The following PPARD variants were observed in gnomAD, a reference collection of about 807,000 sequenced individuals.
The protein encoded by PPARD is peroxisome proliferator-activated receptor delta.
In PPARD, 6 loss-of-function variants were observed where a neutral mutation model predicts 39.5. The observed-to-expected ratio is 0.15, with a 90% CI of 0.08 to 0.30. The LOEUF is 0.30. Ranked by LOEUF, PPARD falls within the 10% of genes least tolerant of loss-of-function variation. The pLI, the probability that PPARD is intolerant of heterozygous loss-of-function variation, is 1.00. For synonymous variants in PPARD, 210 were observed against 231.3 expected (o/e 0.91, Z 0.83); for missense variants, 397 against 596.8 (o/e 0.67, Z 3.49).
At chr6:35,358,342 C>T (rs1056184588) in intron 2 of PPARD, among the ~76,000 whole-genome samples, 17 of 152,208 alleles carry the variant, frequency 1.1e-4, no homozygotes, top group African/African-American at 3.9e-4. Flanking sequence ...TGTGGCCCTG[C>T]CAACACACTG....
chr6:35,400,271 C>A (rs575368974), intron 2 of PPARD, among the ~76,000 whole-genome samples: 1 of 152,194 alleles, frequency 6.6e-6, no homozygotes, highest in Non-Finnish European at 1.5e-5. Flanking sequence ...CTCCTTACCA[C>A]CAGCCTTCGT....
At chr6:35,391,316 T>A (rs968428285) in intron 2 of PPARD, among the ~76,000 whole-genome samples, 1 of 152,268 alleles carries the variant, frequency 6.6e-6, no homozygotes, top group African/African-American at 2.4e-5. Context: ...ATTTCTGTAT[T>A]TCCTTCACCA....
At chr6:35,398,806 C>T (rs780623854) in intron 2 of PPARD, among the ~76,000 whole-genome samples, 3 of 152,178 alleles carry the variant, frequency 2.0e-5, no homozygotes, top group East Asian at 1.9e-4. Context: ...TAAGTGTTAC[C>T]GAAAGTTTCA....
Position 35,426,169 on chromosome 6 carries a change from C to T in PPARD, c.*90C>T. The T allele has an allele frequency of 6.6e-7, 1 of 1,517,392 alleles. No individual in the cohort carries two copies. 94.0% of individuals were successfully genotyped at this position (1,517,392 alleles called of 1,614,324 possible). On this transcript the variant is annotated 3_prime_UTR_variant, in exon 8 of 8. Coordinates refer to ENST00000360694, the MANE Select transcript of PPARD (RefSeq NM_006238.5). ...ACTTTTCCATTGACCAGCCCTTGAGCACCCGGCCTGGAGCAGCAGAGTCCC... is the reference window on the plus strand; with the variant it reads ...ACTTTTCCATTGACCAGCCCTTGAGTACCCGGCCTGGAGCAGCAGAGTCCC...
chr6:35,364,538 A>G (rs866025599), intron 2 of PPARD, among the ~76,000 whole-genome samples: 2 of 151,334 alleles, frequency 1.3e-5, no homozygotes, highest in Non-Finnish European at 2.9e-5. Flanking sequence ...GGTTCAAGCA[A>G]TTTCCCTGCC....
chr6:35,421,780 C>A, intron 4 of PPARD, 40 bp from the exon 5 acceptor site: 1 of 1,569,120 alleles, frequency 6.4e-7, no homozygotes, highest in Non-Finnish European at 8.7e-7. Flanking sequence ...CTCCCTCCCA[C>A]CTCCTGGTGG....
intron 2 of PPARD, among the ~76,000 whole-genome samples, chr6:35,386,278 C>G (rs1334831641): frequency 6.7e-6 from 1 of 149,766 alleles, no homozygotes; most frequent in Non-Finnish European, 1.5e-5. Context: ...GCATCGTGCT[C>G]TCTTACCACG....
chr6:35,385,032 C>T (rs1356293894), intron 2 of PPARD, among the ~76,000 whole-genome samples: 2 of 142,776 alleles, frequency 1.4e-5, no homozygotes, highest in Non-Finnish European at 3.0e-5. Context: ...GCCCCCCACC[C>T]GGCCAGCCGC....
At chr6:35,381,013 C>A (rs757910246) in intron 2 of PPARD, among the ~76,000 whole-genome samples, 1 of 152,170 alleles carries the variant, frequency 6.6e-6, no homozygotes, top group Non-Finnish European at 1.5e-5. Context: ...CTCCACTTTC[C>A]TTTGCTCCTG....
At chr6:35,356,350 C>T (rs905503691) in intron 2 of PPARD, among the ~76,000 whole-genome samples, 6 of 152,210 alleles carry the variant, frequency 3.9e-5, no homozygotes, top group African/African-American at 1.4e-4. Flanking sequence ...CAAATGGCAG[C>T]AGTAGCTGAG....
rs577282706 is a variant in PPARD at position 35,363,749 on chromosome 6, A to T, written c.-102+16599A>T. Among the ~76,000 whole-genome samples, 1 of 152,190 alleles carries T rather than the reference A, an allele frequency of 6.6e-6. No homozygotes were observed. Among genetic ancestry groups the T allele is most frequent in the African/African-American group, 2.4e-5 (1 of 41,450 alleles). ...AGGCAGCCTTTTGGGGCTGGAGGGC[A>T]TGGACAGGGTGACTGATGCCTGAGC... On this transcript the variant is annotated intron_variant, in intron 2 of 7. Transcript: ENST00000360694. This position sits in a 1 kb window ranked among gnomAD's most constrained non-coding sequence, Gnocchi z 4.5.
chr6:35,373,372 T>A (rs915158743), intron 2 of PPARD, among the ~76,000 whole-genome samples: 1 of 152,212 alleles, frequency 6.6e-6, no homozygotes, highest in Non-Finnish European at 1.5e-5. Context: ...ATCGCTATTA[T>A]AGAGACCAGC....
At chr6:35,345,960 T>C (rs997526436) in intron 1 of PPARD, among the ~76,000 whole-genome samples, 9 of 145,664 alleles carry the variant, frequency 6.2e-5, no homozygotes, top group Non-Finnish European at 1.3e-4. Flanking sequence ...CACTGCAAGC[T>C]CCATCTCCCA....
chr6:35,406,877 G>A (rs1397182101), intron 2 of PPARD, among the ~76,000 whole-genome samples: 4 of 152,208 alleles, frequency 2.6e-5, no homozygotes, highest in Non-Finnish European at 4.4e-5. Flanking sequence ...GGCCTGGCCC[G>A]GCTCGAGTCC....
At chr6:35,361,124 A>G (rs911339836) in intron 2 of PPARD, among the ~76,000 whole-genome samples, 20 of 152,220 alleles carry the variant, frequency 1.3e-4, no homozygotes, top group African/African-American at 4.3e-4. Context: ...CCTGTTTCTC[A>G]GGGTTAGGTT....
At chr6:35,362,360 T>C (rs1243455425) in intron 2 of PPARD, among the ~76,000 whole-genome samples, 1 of 151,948 alleles carries the variant, frequency 6.6e-6, no homozygotes, top group Non-Finnish European at 1.5e-5. Flanking sequence ...GAGAGGTGCA[T>C]GAAGTCTTAC....
chr6:35,391,327 A>G (rs1242413150), intron 2 of PPARD, among the ~76,000 whole-genome samples: 1 of 152,266 alleles, frequency 6.6e-6, no homozygotes, highest in Admixed American at 6.5e-5. Flanking sequence ...TCCTTCACCA[A>G]GATTCACCAG....
intron 2 of PPARD, among the ~76,000 whole-genome samples, chr6:35,379,557 T>TCTC (rs1763019011): frequency 1.3e-5 from 2 of 152,232 alleles, no homozygotes; most frequent in African/African-American, 4.8e-5. Flanking sequence ...GTCCCTCTTC[T>TCTC]TAGAGAGGAG....
chr6:35,359,217 G>A (rs1761795286), intron 2 of PPARD, among the ~76,000 whole-genome samples: 2 of 152,166 alleles, frequency 1.3e-5, no homozygotes, highest in Non-Finnish European at 2.9e-5. Flanking sequence ...GACGAGATTG[G>A]TGGCCCTGAA....
Sources: allele counts gnomAD v4.1 joint callset (sites outside exome capture counted in the v4.1 genomes callset), GRCh38; gene constraint gnomAD v4.1.1; non-coding constraint Gnocchi (gnomAD v3.1); transcripts MANE v1.5; gene names NCBI Gene and HGNC (gene_info 2026-07-23, HGNC 2026-07-21).